SNX24: variants seen among roughly 807,000 people sequenced by gnomAD.
SNX24 encodes sorting nexin 24, also known as sorting nexin-24.
A neutral mutation model predicts 28.7 loss-of-function variants in SNX24; 22 were observed. The ratio of observed to expected loss-of-function variants is 0.77; its 90% CI spans 0.55 to 1.10. The LOEUF (loss-of-function observed/expected upper bound fraction) is 1.10, where lower values mean the gene tolerates loss of function less well. Ranked by LOEUF, SNX24 falls within the 50% of genes least tolerant of loss-of-function variation. SNX24 has a pLI of 0.00. For synonymous variants in SNX24, 69 were observed against 71.5 expected (o/e 0.96, Z 0.18); for missense variants, 221 against 201.1 (o/e 1.10, Z -0.60).
At chr5:122,995,634 C>T (rs750906587) in intron 3 of SNX24, among the ~76,000 whole-genome samples, 1 of 152,212 alleles carries the variant, frequency 6.6e-6, no homozygotes, top group Non-Finnish European at 1.5e-5. Context: ...GTAATTAATT[C>T]TGCCTCTCAC....
Position 122,999,891 on chromosome 5 carries a change from TTC to T in SNX24, c.250-19_250-18del. 1 of 1,483,772 alleles carries T rather than the reference TTC, an allele frequency of 6.7e-7. No homozygotes were observed. Among genetic ancestry groups the T allele is most frequent in the East Asian group, 2.3e-5 (1 of 44,248 alleles). 91.9% of individuals were successfully genotyped at this position (1,483,772 alleles called of 1,614,324 possible). On this transcript the variant is annotated intron_variant, in intron 3 of 6. Coordinates refer to ENST00000261369, the MANE Select transcript of SNX24 (RefSeq NM_014035.4). ...TAGCAAACTTCACTTCAGTTTCGAA[TTC>T]TGTTTTCTGCTTTCACAGGCTGTCA...
intron 5 of SNX24, chr5:123,025,692 C>G: frequency 7.5e-7 from 1 of 1,341,608 alleles, no homozygotes; most frequent in Non-Finnish European, 1.0e-6. Context: ...TAATGGATCT[C>G]TAACAAGCAT....
chr5:122,906,245 C>T (rs889625975), intron 1 of SNX24, among the ~76,000 whole-genome samples: 7 of 152,336 alleles, frequency 4.6e-5, no homozygotes, highest in African/African-American at 1.7e-4. Flanking sequence ...CATCTCTCCA[C>T]TTAGCACCCC....
chr5:122,854,874 ATAGTT>A (rs773546800), intron 1 of SNX24, among the ~76,000 whole-genome samples: 14 of 152,214 alleles, frequency 9.2e-5, no homozygotes, highest in Non-Finnish European at 1.8e-4. Flanking sequence ...ACACTACACT[ATAGTT>A]TATTAAGTGT....
At position 122,913,323 on chromosome 5, in the gene SNX24, C is replaced by T. The variant is rs575152390; in HGVS notation, c.61-23411C>T. 8.5e-3 allele frequency among the ~76,000 whole-genome samples: 1,276 copies of T among 149,490 alleles called. 17 individuals are homozygous for T. Among genetic ancestry groups the T allele is most frequent in the African/African-American group, 0.029 (1,198 of 40,620 alleles). Reference sequence around the variant, plus strand: ...AGGCGCCCCCCACCTCCCTCCCAGACGGGGCGGCTGGCCGGGCGGGGGCTG... The same window carrying T: ...AGGCGCCCCCCACCTCCCTCCCAGATGGGGCGGCTGGCCGGGCGGGGGCTG... On this transcript the variant is annotated intron_variant, in intron 1 of 6. Transcript: ENST00000261369.
At chr5:122,890,717 C>T (rs955493297) in intron 1 of SNX24, among the ~76,000 whole-genome samples, 1 of 152,080 alleles carries the variant, frequency 6.6e-6, no homozygotes, top group Non-Finnish European at 1.5e-5. Flanking sequence ...GTGATCTGCC[C>T]GTCTCAGCCT....
intron 1 of SNX24, among the ~76,000 whole-genome samples, chr5:122,879,017 A>G (rs548857355): frequency 2.3e-4 from 35 of 152,284 alleles, no homozygotes; most frequent in Admixed American, 1.2e-3. Context: ...TGTGAGCTAC[A>G]AAGAGATTTA....
rs184151529 is a variant in SNX24 at position 122,932,817 on chromosome 5, C to A, written c.61-3917C>A. On this transcript the variant is annotated intron_variant, in intron 1 of 6. Coordinates refer to ENST00000261369, the MANE Select transcript of SNX24 (RefSeq NM_014035.4). Reference sequence around the variant, plus strand: ...GAGCTTGCAGTGAGCCAAGATTGCACCACTGCGCTCCAGCCGGGGCGACAG... The same window carrying A: ...GAGCTTGCAGTGAGCCAAGATTGCAACACTGCGCTCCAGCCGGGGCGACAG... Among the ~76,000 whole-genome samples, 449 of 147,952 alleles carry A rather than the reference C, an allele frequency of 3.0e-3. 4 individuals carry two copies. The highest frequency in any genetic ancestry group is 0.024 in the Admixed American group (357 of 14,578).
At chr5:122,853,117 T>A (rs1384954102) in intron 1 of SNX24, among the ~76,000 whole-genome samples, 3 of 35,154 alleles carry the variant, frequency 8.5e-5, no homozygotes, top group Non-Finnish European at 1.4e-4. Flanking sequence ...TCTTTAGCCT[T>A]TTTTTTTTTT....
intron 1 of SNX24, among the ~76,000 whole-genome samples, chr5:122,910,888 TTCCAAG>T (rs1303955894): frequency 1.3e-5 from 2 of 152,158 alleles, no homozygotes; most frequent in African/African-American, 4.8e-5. Context: ...TTTGGGTTGG[TTCCAAG>T]TCTTTGCTAT....
chr5:122,959,671 G>T (rs563676672), intron 3 of SNX24, among the ~76,000 whole-genome samples: 83 of 148,572 alleles, frequency 5.6e-4, no homozygotes, highest in African/African-American at 1.5e-3. Context: ...TTGTTTTTGG[G>T]TTTTTTTTTT....
chr5:122,999,736 A>G (rs1360975699), intron 3 of SNX24, among the ~76,000 whole-genome samples, 176 bp from the exon 4 acceptor site: 3 of 152,188 alleles, frequency 2.0e-5, no homozygotes, highest in Non-Finnish European at 4.4e-5. Context: ...AATCCCTAGC[A>G]TGTGTGTCAG....
At chr5:122,865,768 A>G (rs1394243675) in intron 1 of SNX24, among the ~76,000 whole-genome samples, 4 of 152,198 alleles carry the variant, frequency 2.6e-5, no homozygotes, top group Non-Finnish European at 5.9e-5. Flanking sequence ...GGAAGTTCTA[A>G]TTTGGGGATC....
chr5:123,023,715 G>A, intron 5 of SNX24: 1 of 1,161,742 alleles, frequency 8.6e-7, no homozygotes, highest in Non-Finnish European at 1.1e-6. Context: ...AAACTAAAGG[G>A]TGACGGTTTG....
chr5:122,889,289 T>G (rs1250900609), intron 1 of SNX24, among the ~76,000 whole-genome samples: 1 of 152,140 alleles, frequency 6.6e-6, no homozygotes, highest in Non-Finnish European at 1.5e-5. Flanking sequence ...CCCCCTGCCC[T>G]TCTCTGTTTT....
At chr5:122,890,697 C>T (rs1030122053) in intron 1 of SNX24, among the ~76,000 whole-genome samples, 32 of 152,144 alleles carry the variant, frequency 2.1e-4, no homozygotes, top group Admixed American at 3.9e-4. Context: ...TCTCGAACTT[C>T]TGACCTCAAG....
chr5:122,972,914 G>T (rs1761014549), intron 3 of SNX24, among the ~76,000 whole-genome samples: 1 of 152,176 alleles, frequency 6.6e-6, no homozygotes, highest in Non-Finnish European at 1.5e-5. Flanking sequence ...AGCTAGGTCG[G>T]CCTTGCTGAG....
At chr5:122,897,292 G>A (rs1445871238) in intron 1 of SNX24, among the ~76,000 whole-genome samples, 1 of 152,034 alleles carries the variant, frequency 6.6e-6, no homozygotes, top group Non-Finnish European at 1.5e-5. Flanking sequence ...AAGCCAGAAT[G>A]TTTATACCAC....
chr5:122,993,361 C>T (rs1330523072), intron 3 of SNX24, among the ~76,000 whole-genome samples: 4 of 147,444 alleles, frequency 2.7e-5, no homozygotes, highest in Non-Finnish European at 4.4e-5. Context: ...TGCAGTGGCG[C>T]GATCTCGGCT....
Sources: gnomAD v4.1 joint callset for allele counts (sites outside exome capture counted in the v4.1 genomes callset) on GRCh38, gnomAD v4.1.1 for gene constraint, MANE v1.5 for transcripts, NCBI Gene and HGNC (gene_info 2026-07-23, HGNC 2026-07-21) for gene names.